PSPH: variants seen among roughly 807,000 people sequenced by gnomAD.
PSPH encodes L-3-phosphoserine phosphatase.
In PSPH, 16 loss-of-function variants were observed where a neutral mutation model predicts 23.4. That is an observed-to-expected ratio of 0.68 (90% CI 0.46 to 1.04). PSPH has a LOEUF of 1.04. Among genes scored for constraint, PSPH ranks in the 50% least tolerant of loss-of-function variants. The probability of loss-of-function intolerance (pLI) is 0.00; values close to 1 mark genes in which losing one functional copy is unlikely to be tolerated. For missense variants in PSPH, 223 were observed against 273.7 expected, an observed-to-expected ratio of 0.81 and a Z score of 1.31; for synonymous variants, 68 against 99.7, an observed-to-expected ratio of 0.68 and a Z score of 1.89.
At chr7:56,022,087 G>A (rs1272205865) in intron 3 of PSPH, among the ~76,000 whole-genome samples, 1 of 152,194 alleles carries the variant, frequency 6.6e-6, no homozygotes, top group Admixed American at 6.6e-5. Context: ...CACTTTGGGA[G>A]GCTAAGGCAG....
At chr7:56,028,568 A>C (rs1023367496) in intron 3 of PSPH, among the ~76,000 whole-genome samples, 1 of 152,072 alleles carries the variant, frequency 6.6e-6, no homozygotes, top group Non-Finnish European at 1.5e-5. Context: ...CATTGAATTT[A>C]CTTGGAAGGC....
chr7:56,011,576 C>T lies in PSPH; in HGVS notation c.*186G>A. 6.2e-6 allele frequency: 3 copies of T among 482,636 alleles called. No homozygotes were observed. The highest frequency in any genetic ancestry group is 3.7e-6 in the Non-Finnish European group (1 of 269,120). 29.9% of individuals were successfully genotyped at this position (482,636 alleles called of 1,614,324 possible). On this transcript the variant is annotated 3_prime_UTR_variant, in exon 8 of 8. Coordinates refer to ENST00000275605, the MANE Select transcript of PSPH (RefSeq NM_004577.4). ...GGAAATCAATAGTCATCATATAATA[C>T]TGGAACTACAGTTAAAAAAAAAAAA...
At chr7:56,024,418 G>A (rs200184560) in intron 3 of PSPH, among the ~76,000 whole-genome samples, 7 of 151,958 alleles carry the variant, frequency 4.6e-5, no homozygotes, top group Non-Finnish European at 1.0e-4. Flanking sequence ...ATCAAAAGAA[G>A]AATAATATTT....
intron 3 of PSPH, among the ~76,000 whole-genome samples, chr7:56,027,819 A>C (rs1790424405): frequency 6.6e-6 from 1 of 151,078 alleles, no homozygotes; most frequent in Non-Finnish European, 1.5e-5. Flanking sequence ...TGGGAGGCTA[A>C]GACAGCAGGA....
At chr7:56,018,535 G>A (rs937330524) in intron 5 of PSPH, among the ~76,000 whole-genome samples, 4 of 152,090 alleles carry the variant, frequency 2.6e-5, no homozygotes, top group Admixed American at 2.0e-4. Context: ...ACAAGACCAC[G>A]TGTAAGTGCC....
intron 1 of PSPH, among the ~76,000 whole-genome samples, chr7:56,049,250 T>C (rs893635981): frequency 6.6e-6 from 1 of 151,822 alleles, no homozygotes; most frequent in East Asian, 1.9e-4. Flanking sequence ...TAAACCCTGC[T>C]TGCATTAGGT....
At chr7:56,025,048 C>T (rs1790000209) in intron 3 of PSPH, among the ~76,000 whole-genome samples, 1 of 152,006 alleles carries the variant, frequency 6.6e-6, no homozygotes, top group African/African-American at 2.4e-5. Context: ...AAATGATCCT[C>T]CTGCCTCAGC....
intron 1 of PSPH, among the ~76,000 whole-genome samples, chr7:56,048,166 C>A (rs1363177481): frequency 4.6e-5 from 7 of 152,072 alleles, no homozygotes; most frequent in Non-Finnish European, 7.4e-5. Context: ...GTAATCCCAG[C>A]TACTCTGGAG....
chr7:56,042,656 G>GAA lies in PSPH; in HGVS notation c.-292+8480_-292+8481dup, dbSNP rs35744032. Among the ~76,000 whole-genome samples, 134 of 107,270 alleles carry GAA rather than the reference G, an allele frequency of 1.2e-3. 1 individual carries two copies. Among genetic ancestry groups the GAA allele is most frequent in the Non-Finnish European group, 1.9e-3 (99 of 50,906 alleles). 70.4% of individuals were successfully genotyped at this position (107,270 alleles called of 152,430 possible). ...ACAGAGTGGGACCCTGTCTCAGAAG[G>GAA]AAAAAAAAAAAAAAAAGGATGTAGA... On this transcript the variant is annotated intron_variant, in intron 1 of 7. Coordinates refer to ENST00000275605, the MANE Select transcript of PSPH (RefSeq NM_004577.4).
At chr7:56,019,535 C>T (rs1789026157) in intron 5 of PSPH, 65 bp downstream of exon 5, 3 of 1,602,966 alleles carry the variant, frequency 1.9e-6, no homozygotes, top group South Asian at 1.1e-5. Context: ...TAGTTAGATG[C>T]TCTTGGGAGG....
chr7:56,037,065 T>C (rs1791820569), intron 1 of PSPH, among the ~76,000 whole-genome samples: 1 of 150,726 alleles, frequency 6.6e-6, no homozygotes, highest in African/African-American at 2.4e-5. Context: ...TCTCAGCTAC[T>C]GAGGAGGCTG....
At chr7:56,045,088 A>T (rs1793056486) in intron 1 of PSPH, among the ~76,000 whole-genome samples, 1 of 151,294 alleles carries the variant, frequency 6.6e-6, no homozygotes, top group African/African-American at 2.4e-5. Context: ...AAAAAAAAAA[A>T]AAATAGAATT....
chr7:56,041,729 G>C (rs1792563748), intron 1 of PSPH, among the ~76,000 whole-genome samples: 1 of 151,804 alleles, frequency 6.6e-6, no homozygotes. Context: ...TTCAAGACCA[G>C]CTGGGGCAAC....
At chr7:56,034,672 C>T (rs529960736) in intron 1 of PSPH, among the ~76,000 whole-genome samples, 1 of 152,078 alleles carries the variant, frequency 6.6e-6, no homozygotes, top group Non-Finnish European at 1.5e-5. Flanking sequence ...CCCGCCACCA[C>T]GCCCGGCTAA....
At chr7:56,013,679 T>C (rs1274007803) in intron 7 of PSPH, among the ~76,000 whole-genome samples, 1 of 151,616 alleles carries the variant, frequency 6.6e-6, no homozygotes, top group Non-Finnish European at 1.5e-5. Context: ...TGTGATAAGC[T>C]ATGATCGCAA....
chr7:56,044,729 G>A (rs779661871), intron 1 of PSPH, among the ~76,000 whole-genome samples: 1 of 151,432 alleles, frequency 6.6e-6, no homozygotes, highest in Non-Finnish European at 1.5e-5. Context: ...GAGCCCAGGA[G>A]TTAAAAGCTG....
At chr7:56,018,904 A>G (rs1788947833) in intron 5 of PSPH, among the ~76,000 whole-genome samples, 1 of 152,010 alleles carries the variant, frequency 6.6e-6, no homozygotes. Flanking sequence ...CAGAAGGCTG[A>G]TGCTGCAGTG....
intron 6 of PSPH, among the ~76,000 whole-genome samples, chr7:56,016,577 G>A (rs1298631039): frequency 6.7e-6 from 1 of 149,666 alleles, no homozygotes; most frequent in Admixed American, 6.7e-5. Flanking sequence ...TCTCTGTCTT[G>A]TTTTTTTTTA....
chr7:56,034,432 T>C (rs1418817143), intron 1 of PSPH, among the ~76,000 whole-genome samples: 2 of 152,200 alleles, frequency 1.3e-5, no homozygotes, highest in Admixed American at 6.6e-5. Context: ...TAGTGAAATC[T>C]CCGTCGGGGG....
Sources: gnomAD v4.1 joint callset for allele counts (sites outside exome capture counted in the v4.1 genomes callset) on GRCh38, gnomAD v4.1.1 for gene constraint, MANE v1.5 for transcripts, NCBI Gene and HGNC (gene_info 2026-07-23, HGNC 2026-07-21) for gene names.